Variants in GLIS1 observed in about 807,000 individuals in gnomAD.
GLIS1 encodes zinc finger protein GLIS1.
Under a neutral mutation model 63.8 loss-of-function variants are expected in GLIS1, and 24 were observed. That is an observed-to-expected ratio of 0.38 (90% CI 0.27 to 0.53). The LOEUF (loss-of-function observed/expected upper bound fraction) is 0.53. Ranked by LOEUF, GLIS1 falls within the 20% of genes least tolerant of loss-of-function variation. The pLI, the probability that GLIS1 is intolerant of heterozygous loss-of-function variation, is 0.85. For synonymous variants in GLIS1, 450 were observed against 482.5 expected, an observed-to-expected ratio of 0.93 and a Z score of 0.88; for missense variants, 1,036 against 1,074.1, an observed-to-expected ratio of 0.96 and a Z score of 0.50.
Position 53,509,949 on chromosome 1 carries a change from C to G in GLIS1, c.1962G>C (p.Gln654His), listed in dbSNP as rs762704926. Reference sequence around the variant, plus strand: ...AGGGCTGGCCCCCCGGAGAATGGCTCTGAGAGGATGGGGGCAGCGGCGGTG... The same window carrying G: ...AGGGCTGGCCCCCCGGAGAATGGCTGTGAGAGGATGGGGGCAGCGGCGGTG... ...LGPPPLPPSSQSHSPGGQPFP... is the reference protein window; with the variant it reads ...LGPPPLPPSSHSHSPGGQPFP... Residue 654 changes from glutamine to histidine, a missense_variant, in exon 9 of 11, where the codon CAG (glutamine) becomes CAC (histidine). Coordinates refer to ENST00000628545, the MANE Select transcript of GLIS1 (RefSeq NM_001367484.1). 9 of 1,303,328 alleles carry G rather than the reference C, an allele frequency of 6.9e-6. No individual in the cohort carries two copies. In the Admixed American group the frequency reaches 1.9e-4, roughly 28 times the overall value. 80.7% of individuals were successfully genotyped at this position (1,303,328 alleles called of 1,614,324 possible).
chr1:53,516,774 C>T (rs1481757462), intron 7 of GLIS1, among the ~76,000 whole-genome samples: 5 of 151,752 alleles, frequency 3.3e-5, no homozygotes, highest in Non-Finnish European at 5.9e-5. Context: ...GATGGTGCCA[C>T]CACACTCCAG....
intron 2 of GLIS1, among the ~76,000 whole-genome samples, chr1:53,733,557 G>A (rs1646884897): frequency 6.6e-6 from 1 of 152,174 alleles, no homozygotes; most frequent in Non-Finnish European, 1.5e-5. Context: ...TTGAGAGGCA[G>A]GAAGGGAAGA....
At chr1:53,672,876 G>A (rs1646167939) in intron 2 of GLIS1, among the ~76,000 whole-genome samples, 1 of 152,208 alleles carries the variant, frequency 6.6e-6, no homozygotes, top group Non-Finnish European at 1.5e-5. Context: ...ACAGTGGCAA[G>A]AGCGCCCTGG....
chr1:53,656,922 C>G (rs1231815302), intron 2 of GLIS1, among the ~76,000 whole-genome samples: 2 of 152,208 alleles, frequency 1.3e-5, no homozygotes, highest in African/African-American at 2.4e-5. Flanking sequence ...TCCTCTGGGT[C>G]TAAGCTAGAC....
In GLIS1 at chr1:53,574,449, TCTCC is replaced by T. The variant is rs1284625338; in HGVS notation, c.1320+19655_1320+19658del. On this transcript the variant is annotated intron_variant, in intron 4 of 10. Transcript: ENST00000628545. This position sits in a 1 kb window ranked among gnomAD's most constrained non-coding sequence, Gnocchi z 4.2. ...ACAAGCAGCAGGGCCTCCCACGCAGTCTCCCCTGGGAGATTACCTGTATACTAAT... is the reference window on the plus strand; with the variant it reads ...ACAAGCAGCAGGGCCTCCCACGCAGTCCTGGGAGATTACCTGTATACTAAT... Among the ~76,000 whole-genome samples the T allele has an allele frequency of 4.6e-5, 7 of 152,218 alleles. No homozygotes were observed. The highest frequency in any genetic ancestry group is 1.3e-4 in the Admixed American group (2 of 15,290).
chr1:53,547,568 C>T (rs1221440669), intron 4 of GLIS1, among the ~76,000 whole-genome samples: 1 of 152,252 alleles, frequency 6.6e-6, no homozygotes. Context: ...TCCCCCAGCA[C>T]ACCTACCCCT....
In GLIS1 at chr1:53,562,657, G is replaced by C. The variant is rs535959321; in HGVS notation, c.1320+31451C>G. On this transcript the variant is annotated intron_variant, in intron 4 of 10. Transcript: ENST00000628545. ...CCCCTTAGGTGCTGGTACACCTCCA[G>C]ATATTCTCATTTCATCTTCCTCCTC... Among the ~76,000 whole-genome samples, 109 of 152,224 alleles carry C rather than the reference G, an allele frequency of 7.2e-4. 2 individuals are homozygous for C. The South Asian group carries it at 0.015, about 21-fold the overall frequency.
chr1:53,722,177 G>A (rs1187565990), intron 2 of GLIS1, among the ~76,000 whole-genome samples: 1 of 152,208 alleles, frequency 6.6e-6, no homozygotes, highest in African/African-American at 2.4e-5. Flanking sequence ...GCCTGCAGTT[G>A]TGAAAATCAG....
chr1:53,606,127 G>C (rs376041011), intron 2 of GLIS1, among the ~76,000 whole-genome samples: 1 of 152,330 alleles, frequency 6.6e-6, no homozygotes, highest in Non-Finnish European at 1.5e-5. Flanking sequence ...GATTAAGTGA[G>C]GTAATGTACA....
At chr1:53,552,637 C>T (rs1644771777) in intron 4 of GLIS1, among the ~76,000 whole-genome samples, 1 of 152,190 alleles carries the variant, frequency 6.6e-6, no homozygotes, top group Non-Finnish European at 1.5e-5. Flanking sequence ...AACACTTGCC[C>T]TCCACCATCC....
chr1:53,552,308 C>G lies in GLIS1; in HGVS notation c.1321-22356G>C, dbSNP rs151166150. On this transcript the variant is annotated intron_variant, in intron 4 of 10. Coordinates refer to ENST00000628545, the MANE Select transcript of GLIS1 (RefSeq NM_001367484.1). ...GACCAGGCGGGTCCCTGAGAGCCCTCACAAGGCCCCCCGCTGCTCCTGTGC... is the reference window on the plus strand; with the variant it reads ...GACCAGGCGGGTCCCTGAGAGCCCTGACAAGGCCCCCCGCTGCTCCTGTGC... Among the ~76,000 whole-genome samples the G allele has an allele frequency of 3.7e-4, 57 of 152,180 alleles. 1 individual carries two copies. In the East Asian group the frequency reaches 0.011, roughly 28 times the overall value.
chr1:53,559,033 C>T (rs1644860195), intron 4 of GLIS1, among the ~76,000 whole-genome samples: 1 of 152,218 alleles, frequency 6.6e-6, no homozygotes, highest in African/African-American at 2.4e-5. Context: ...ATACAAATCC[C>T]AAACTGATGA....
chr1:53,599,851 G>A (rs1245557628), intron 3 of GLIS1, among the ~76,000 whole-genome samples: 3 of 152,242 alleles, frequency 2.0e-5, no homozygotes, highest in East Asian at 1.9e-4. Context: ...CTTCTGAAAT[G>A]ATTGATTCTC....
At chr1:53,643,969 C>G (rs559309052) in intron 2 of GLIS1, among the ~76,000 whole-genome samples, 124 of 152,316 alleles carry the variant, frequency 8.1e-4, no homozygotes, top group Non-Finnish European at 8.8e-5. Flanking sequence ...CCAGCCCTGG[C>G]CTCCTAATGC....
chr1:53,590,341 C>T (rs1391948022), intron 4 of GLIS1, among the ~76,000 whole-genome samples: 3 of 152,142 alleles, frequency 2.0e-5, no homozygotes, highest in African/African-American at 7.2e-5. Context: ...GGCTTTTCAC[C>T]TCTGCACATG....
intron 7 of GLIS1, 117 bp downstream of exon 7, chr1:53,520,517 G>A (rs1644396409): frequency 4.2e-6 from 5 of 1,191,224 alleles, no homozygotes; most frequent in East Asian, 5.8e-5. Flanking sequence ...ATGAGTGAGT[G>A]CCTGCAACAT....
At chr1:53,645,072 C>T (rs374420125) in intron 2 of GLIS1, among the ~76,000 whole-genome samples, 59 of 152,318 alleles carry the variant, frequency 3.9e-4, no homozygotes, top group African/African-American at 1.2e-3. Context: ...AACAAACGCA[C>T]GCCAGCCACA....
chr1:53,705,408 C>T (rs1347424551), intron 2 of GLIS1, among the ~76,000 whole-genome samples: 1 of 152,198 alleles, frequency 6.6e-6, no homozygotes, highest in Non-Finnish European at 1.5e-5. Context: ...CTGATCAATA[C>T]AGGATCTTAG....
chr1:53,646,354 A>G lies in GLIS1; in HGVS notation c.260-46076T>C, dbSNP rs552290520. ...ACTAGACCATTAAAAAGTTAATTTG[A>G]CAAGGTCAGTAGATATAACAGGAAC... is the stretch of plus-strand genomic sequence containing the variant. On this transcript the variant is annotated intron_variant, in intron 2 of 10. Coordinates refer to ENST00000628545, the MANE Select transcript of GLIS1 (RefSeq NM_001367484.1). This position sits in a 1 kb window ranked among gnomAD's most constrained non-coding sequence, Gnocchi z 4.2. Among the ~76,000 whole-genome samples the G allele has an allele frequency of 6.6e-6, 1 of 152,356 alleles. No individual in the cohort carries two copies. The highest frequency in any genetic ancestry group is 2.1e-4 in the South Asian group (1 of 4,828).
Sources: allele counts gnomAD v4.1 joint callset (sites outside exome capture counted in the v4.1 genomes callset), GRCh38; gene constraint gnomAD v4.1.1; non-coding constraint Gnocchi (gnomAD v3.1); transcripts MANE v1.5; gene names NCBI Gene and HGNC (gene_info 2026-07-23, HGNC 2026-07-21).